The following PLEKHG5 variants were observed in gnomAD, a reference collection of about 807,000 sequenced individuals.
The protein encoded by PLEKHG5 is pleckstrin homology and RhoGEF domain containing G5.
Under a neutral mutation model 103.8 loss-of-function variants are expected in PLEKHG5, and 52 were observed. The ratio of observed to expected loss-of-function variants is 0.50; its 90% confidence interval spans 0.40 to 0.63. The LOEUF (loss-of-function observed/expected upper bound fraction) is 0.63. Among genes scored for constraint, PLEKHG5 ranks in the 30% least tolerant of loss-of-function variants. PLEKHG5 has a pLI of 0.00. For synonymous variants in PLEKHG5, 592 were observed against 575.5 expected, an observed-to-expected ratio of 1.03 and a Z score of -0.41; for missense variants, 1,205 against 1,347.6, an observed-to-expected ratio of 0.89 and a Z score of 1.66.
intron 5 of PLEKHG5, 103 bp from the exon 6 acceptor site, chr1:6,474,690 C>T: frequency 2.6e-6 from 3 of 1,154,338 alleles, no homozygotes; most frequent in Admixed American, 2.0e-5. Context: ...GCCCCAGCTG[C>T]CCCCACCTTC....
intron 1 of PLEKHG5, among the ~76,000 whole-genome samples, chr1:6,481,421 C>T (rs191629855): frequency 0.012 from 1,782 of 152,124 alleles, 37 homozygotes; most frequent in African/African-American, 0.04. Flanking sequence ...ATCCCAGCTA[C>T]GCGGGAGGCT....
upstream of PLEKHG5, chr1:6,497,156 C>A: frequency 1.0e-6 from 1 of 977,802 alleles, no homozygotes; most frequent in Non-Finnish European, 1.5e-6. The surrounding 1 kb of genome is among the most constrained non-coding windows in gnomAD (Gnocchi z 6.1). Context: ...GGGGTGCTGC[C>A]GAGGCAGGCC....
chr1:6,478,047 A>AT lies in PLEKHG5; in HGVS notation c.-87-390dup, dbSNP rs559604077. ...AGGCGCACACCACCATGCCCAGCTA[A>AT]TTTTTTTTTTGTATTTTTAGTAGAG... On this transcript the variant is annotated intron_variant, in intron 1 of 20. Coordinates refer to ENST00000377728, the MANE Select transcript of PLEKHG5 (RefSeq NM_020631.6). Among the ~76,000 whole-genome samples, 110 of 147,782 alleles carry AT rather than the reference A, an allele frequency of 7.4e-4. 1 individual carries two copies. The South Asian group carries it at 0.018, about 25-fold the overall frequency.
rs1644527976 is a variant in PLEKHG5, at chr1:6,470,314, G to A, written c.1722C>T (p.Ile574=). 1.9e-6 allele frequency: 3 copies of A among 1,613,934 alleles called. No individual in the cohort carries two copies. Among genetic ancestry groups the A allele is most frequent in the Non-Finnish European group, 2.5e-6 (3 of 1,180,004 alleles). ...EFLHLDLTAP[I]PGASPEETRQ... ...GCGTCTCCTCCGGGGAGGCGCCAGG[G>A]ATGGGCGCTGTCAAGTCCAGGTGCA... is the stretch of plus-strand genomic sequence containing the variant. Residue 574 remains isoleucine, a synonymous_variant, in exon 16 of 21, where the codon ATC becomes ATT. Coordinates refer to ENST00000377728, the MANE Select transcript of PLEKHG5 (RefSeq NM_020631.6).
chr1:6,476,911 A>C (rs934934210), intron 2 of PLEKHG5, among the ~76,000 whole-genome samples: 9 of 151,484 alleles, frequency 5.9e-5, no homozygotes, highest in Non-Finnish European at 1.3e-4. Flanking sequence ...GTGCCACCAC[A>C]CCTGGCTAAT....
At chr1:6,518,212 G>T (rs1337043758) in intron 1 of PLEKHG5, among the ~76,000 whole-genome samples, 2 of 151,880 alleles carry the variant, frequency 1.3e-5, no homozygotes, top group African/African-American at 4.8e-5. Flanking sequence ...GATTACAGGT[G>T]TGAGCCACTG....
chr1:6,482,846 C>T (rs1300931402), intron 1 of PLEKHG5, among the ~76,000 whole-genome samples: 1 of 152,168 alleles, frequency 6.6e-6, no homozygotes, highest in Admixed American at 6.5e-5. Context: ...GTAACTGGGA[C>T]TACAAGCACA....
intron 1 of PLEKHG5, among the ~76,000 whole-genome samples, chr1:6,507,376 C>CAGG (rs1247458671): frequency 0.014 from 2,099 of 152,280 alleles, 40 homozygotes; most frequent in African/African-American, 0.047. Flanking sequence ...TGGGGGTGAT[C>CAGG]AGAGGGCCAT....
At chr1:6,493,561 G>A (rs1355219763), upstream of PLEKHG5, among the ~76,000 whole-genome samples, 3 of 152,166 alleles carry the variant, frequency 2.0e-5, no homozygotes, top group Non-Finnish European at 4.4e-5. Flanking sequence ...CTGTTCTCCT[G>A]AGGGTCTCAA....
upstream of PLEKHG5, among the ~76,000 whole-genome samples, chr1:6,500,147 C>T (rs1645279423): frequency 6.6e-6 from 1 of 152,164 alleles, no homozygotes; most frequent in Non-Finnish European, 1.5e-5. Context: ...TGAATTGAGA[C>T]AGGCCTGGGA....
chr1:6,496,186 T>C (rs1304218679), upstream of PLEKHG5, among the ~76,000 whole-genome samples: 1 of 152,202 alleles, frequency 6.6e-6, no homozygotes, highest in African/African-American at 2.4e-5. Flanking sequence ...AGTTTCCTCA[T>C]CCGTGACATA....
Position 6,505,180 on chromosome 1 carries a change from C to T in PLEKHG5, c.-164-8611G>A, listed in dbSNP as rs956583344. Reference sequence around the variant, plus strand: ...CAGCGCTCCGGTAGCTTCTGCGGACCGGACTCAAGTTTCTGTCACTGCACC... The same window carrying T: ...CAGCGCTCCGGTAGCTTCTGCGGACTGGACTCAAGTTTCTGTCACTGCACC... On this transcript the variant is annotated intron_variant, in intron 1 of 21. Transcript: ENST00000377740. The surrounding 1 kb of genome is among the most constrained non-coding windows in gnomAD (Gnocchi z 4.2). Among the ~76,000 whole-genome samples the T allele has an allele frequency of 7.9e-5, 12 of 152,120 alleles. No homozygotes were observed. The highest frequency in any genetic ancestry group is 2.7e-4 in the African/African-American group (11 of 41,412).
At position 6,487,331 on chromosome 1, in the gene PLEKHG5, T is replaced by G. The variant is rs1365046762; in HGVS notation, c.-88+4306A>C. 1.3e-5 allele frequency among the ~76,000 whole-genome samples: 2 copies of G among 152,144 alleles called. No individual in the cohort carries two copies. Among genetic ancestry groups the G allele is most frequent in the Non-Finnish European group, 2.9e-5 (2 of 68,032 alleles). The stretch of plus-strand genomic sequence containing the variant: ...GGTTTCGCCATGTTGACCAGGCTGG[T>G]CACTAACTCCTGATCTCAAGTGATC... On this transcript the variant is annotated intron_variant, in intron 1 of 20. Transcript: ENST00000377728. The surrounding 1 kb of genome is among the most constrained non-coding windows in gnomAD (Gnocchi z 4.1).
intron 5 of PLEKHG5, 130 bp downstream of exon 5, chr1:6,474,917 C>T (rs914480574): frequency 2.1e-5 from 16 of 780,442 alleles, no homozygotes; most frequent in Non-Finnish European, 3.5e-5. Context: ...GGTCTGCCCA[C>T]GCAGGGATGC....
In PLEKHG5 at chr1:6,473,051, C is replaced by G. The variant is rs148745591; in HGVS notation, c.919G>C (p.Glu307Gln). 4 of 1,613,932 alleles carry G rather than the reference C, an allele frequency of 2.5e-6. No homozygotes were observed. Among genetic ancestry groups the G allele is most frequent in the Non-Finnish European group, 3.4e-6 (4 of 1,179,888 alleles). ...DSWEEEYDEDEDEDNACLRLE... is the reference protein window; with the variant it reads ...DSWEEEYDEDQDEDNACLRLE... The stretch of plus-strand genomic sequence containing the variant: ...CTCAGGCAGGCATTGTCCTCATCCT[C>G]GTCTTCATCGTACTCCTCCTCCCAG... Residue 307 changes from glutamate to glutamine, a missense_variant, in exon 9 of 21, where the codon GAG (glutamate) becomes CAG (glutamine). Transcript: ENST00000377728.
rs113541584 is a variant in PLEKHG5, at chr1:6,469,122, T to TTCCTCCTCCTCC, written c.2157_2168dup (p.Glu720_Glu723dup). The stretch of plus-strand genomic sequence containing the variant: ...CAGCTGAAGTGCCACTGTCCTCGCC[T>TTCCTCCTCCTCC]TCCTCCTCCTCCTCCTCCTCCTCCT... On this transcript the variant is annotated inframe_insertion, in exon 19 of 21. Coordinates refer to ENST00000377728, the MANE Select transcript of PLEKHG5 (RefSeq NM_020631.6). 27 of 1,590,502 alleles carry TTCCTCCTCCTCC rather than the reference T, an allele frequency of 1.7e-5. No homozygotes were observed. Among genetic ancestry groups the TTCCTCCTCCTCC allele is most frequent in the Non-Finnish European group, 7.7e-6 (9 of 1,167,212 alleles).
intron 1 of PLEKHG5, among the ~76,000 whole-genome samples, chr1:6,512,897 T>TG (rs35777255): frequency 0.37 from 56,791 of 152,060 alleles, 10,814 homozygotes; most frequent in Non-Finnish European, 0.4. Flanking sequence ...AGGGTGGCCA[T>TG]GGGGGGGTGA....
In PLEKHG5 at chr1:6,487,079, C is replaced by T. The variant is rs1338830298; in HGVS notation, c.-88+4558G>A. ...TCTCCACTCCCAAAGCCCAGGTCAC[C>T]CACTGTCTACACCACAGGCAGAGTT... On this transcript the variant is annotated intron_variant, in intron 1 of 20. Coordinates refer to ENST00000377728, the MANE Select transcript of PLEKHG5 (RefSeq NM_020631.6). The surrounding 1 kb of genome is among the most constrained non-coding windows in gnomAD (Gnocchi z 4.1). Among the ~76,000 whole-genome samples the T allele has an allele frequency of 2.0e-5, 3 of 152,154 alleles. No homozygotes were observed. The highest frequency in any genetic ancestry group is 6.5e-5 in the Admixed American group (1 of 15,282).
intron 19 of PLEKHG5, among the ~76,000 whole-genome samples, 161 bp from the exon 20 acceptor site, chr1:6,468,747 G>T (rs1459136207): frequency 6.6e-6 from 1 of 152,166 alleles, no homozygotes; most frequent in Non-Finnish European, 1.5e-5. Flanking sequence ...TCCAGCTCCA[G>T]TGCCCACAAC....
Sources: allele counts gnomAD v4.1 joint callset (sites outside exome capture counted in the v4.1 genomes callset), GRCh38; gene constraint gnomAD v4.1.1; non-coding constraint Gnocchi (gnomAD v3.1); transcripts MANE v1.5; gene names NCBI Gene and HGNC (gene_info 2026-07-23, HGNC 2026-07-21).